Variants in NEURL1B observed in about 807,000 individuals in gnomAD.
The protein encoded by NEURL1B is neuralized E3 ubiquitin protein ligase 1B.
In NEURL1B, 13 loss-of-function variants were observed where a neutral mutation model predicts 37.4. The ratio of observed to expected loss-of-function variants is 0.35; its 90% CI spans 0.23 to 0.55. The LOEUF (loss-of-function observed/expected upper bound fraction) is 0.55. NEURL1B is among the 20% of genes least tolerant of loss of function. The pLI, the probability that NEURL1B is intolerant of heterozygous loss-of-function variation, is 0.89. For missense variants in NEURL1B, 790 were observed against 879.2 expected, an observed-to-expected ratio of 0.90 and a Z score of 1.28; for synonymous variants, 432 against 426.6, an observed-to-expected ratio of 1.01 and a Z score of -0.16.
At chr5:172,677,100 T>C (rs376672194) in intron 2 of NEURL1B, among the ~76,000 whole-genome samples, 15 of 151,790 alleles carry the variant, frequency 9.9e-5, no homozygotes, top group South Asian at 4.2e-4. Context: ...GAGGGGCCTG[T>C]AAGCACACCT....
At chr5:172,650,484 C>A (rs1436352520) in intron 1 of NEURL1B, among the ~76,000 whole-genome samples, 1 of 152,122 alleles carries the variant, frequency 6.6e-6, no homozygotes, top group East Asian at 1.9e-4. Context: ...CAAATGGGGT[C>A]TTTCGCTGGA....
At position 172,688,365 on chromosome 5, in the gene NEURL1B, G is replaced by A. The variant is rs1012162744; in HGVS notation, c.*1440G>A. 1 of 152,722 alleles carries A rather than the reference G, an allele frequency of 6.5e-6. No individual in the cohort carries two copies. Among genetic ancestry groups the A allele is most frequent in the Non-Finnish European group, 1.5e-5 (1 of 68,092 alleles). The allele number at this position is 152,722 out of a possible 1,614,324, so 9.5% of individuals were successfully genotyped here. ...TACAACGTTCTAAAAAGCCTGAGACGCCTTACAAAAAGCAAGTATCATTTG... is the reference window on the plus strand; with the variant it reads ...TACAACGTTCTAAAAAGCCTGAGACACCTTACAAAAAGCAAGTATCATTTG... On this transcript the variant is annotated 3_prime_UTR_variant, in exon 5 of 5. Coordinates refer to ENST00000369800, the MANE Select transcript of NEURL1B (RefSeq NM_001142651.3). The surrounding 1 kb of genome is among the most constrained non-coding windows in gnomAD (Gnocchi z 4.3).
rs1758207387 is a variant in NEURL1B at position 172,675,102 on chromosome 5, C to A, written c.577+4772C>A. On this transcript the variant is annotated intron_variant, in intron 2 of 4. Coordinates refer to ENST00000369800, the MANE Select transcript of NEURL1B (RefSeq NM_001142651.3). The surrounding 1 kb of genome is among the most constrained non-coding windows in gnomAD (Gnocchi z 4.7). The stretch of plus-strand genomic sequence containing the variant: ...CTGTTGGTCAGGTTGGTCTCGAACT[C>A]CTGACCTCAGGTGATCCGCCCGCCT... Among the ~76,000 whole-genome samples, 1 of 152,314 alleles carries A rather than the reference C, an allele frequency of 6.6e-6. No individual in the cohort carries two copies. The highest frequency in any genetic ancestry group is 2.1e-4 in the South Asian group (1 of 4,820).
At chr5:172,666,683 G>A (rs1020714972) in intron 1 of NEURL1B, among the ~76,000 whole-genome samples, 2 of 152,208 alleles carry the variant, frequency 1.3e-5, no homozygotes, top group African/African-American at 4.8e-5. Flanking sequence ...GTGCCCCCAT[G>A]ACTAACTGTA....
At chr5:172,650,725 T>C (rs1328639354) in intron 1 of NEURL1B, among the ~76,000 whole-genome samples, 2 of 152,208 alleles carry the variant, frequency 1.3e-5, no homozygotes, top group Non-Finnish European at 2.9e-5. Context: ...GATGGAGCAA[T>C]GGTGAGCGCA....
chr5:172,644,632 C>G (rs928226844), intron 1 of NEURL1B, among the ~76,000 whole-genome samples: 5 of 149,088 alleles, frequency 3.4e-5, no homozygotes, highest in African/African-American at 1.2e-4. Context: ...GCTCTACACT[C>G]TCTTTCCAGT....
intron 1 of NEURL1B, among the ~76,000 whole-genome samples, chr5:172,644,514 C>A (rs527675724): frequency 1.3e-5 from 2 of 152,280 alleles, no homozygotes; most frequent in South Asian, 4.1e-4. Context: ...TGATCGATTG[C>A]GGAAGCCTCT....
chr5:172,648,918 C>G (rs1362950190), intron 1 of NEURL1B, among the ~76,000 whole-genome samples: 1 of 152,174 alleles, frequency 6.6e-6, no homozygotes, highest in Non-Finnish European at 1.5e-5. Context: ...GAGCTGATGC[C>G]CTGAGGGCTT....
chr5:172,660,123 G>A (rs2113284140), intron 1 of NEURL1B, among the ~76,000 whole-genome samples: 1 of 152,310 alleles, frequency 6.6e-6, no homozygotes, highest in East Asian at 1.9e-4. Flanking sequence ...GAGAAGGAAT[G>A]AGGGCACATT....
In NEURL1B at chr5:172,686,048, TG is replaced by T; in HGVS notation, c.1298-120del. ...CACTCTTCACTCCTCAGCAGAACCC[TG>T]GGAGATACCTCTGGTCCTCTCGTTA... On this transcript the variant is annotated intron_variant, in intron 3 of 4. Coordinates refer to ENST00000369800, the MANE Select transcript of NEURL1B (RefSeq NM_001142651.3). The surrounding 1 kb of genome is among the most constrained non-coding windows in gnomAD (Gnocchi z 7.9). The T allele has an allele frequency of 8.4e-7, 1 of 1,192,780 alleles. No homozygotes were observed. The highest frequency in any genetic ancestry group is 1.2e-6 in the Non-Finnish European group (1 of 861,200). 73.9% of individuals were successfully genotyped at this position (1,192,780 alleles called of 1,614,324 possible).
rs1201830213 is a variant in NEURL1B, at chr5:172,655,735, T to A, written c.32-14050T>A. Among the ~76,000 whole-genome samples, 4 of 151,764 alleles carry A rather than the reference T, an allele frequency of 2.6e-5. No homozygotes were observed. In the East Asian group the frequency reaches 7.7e-4, roughly 29 times the overall value. Reference sequence around the variant, plus strand: ...GTTGCTGGCCAGTGTTTGTTTTTTTTTTTTTTTCCCTCTGCATTGCTGAGA... The same window carrying A: ...GTTGCTGGCCAGTGTTTGTTTTTTTATTTTTTTCCCTCTGCATTGCTGAGA... On this transcript the variant is annotated intron_variant, in intron 1 of 4. Transcript: ENST00000369800.
At chr5:172,642,398 A>G (rs577803961) in intron 1 of NEURL1B, among the ~76,000 whole-genome samples, 13 of 152,282 alleles carry the variant, frequency 8.5e-5, no homozygotes, top group African/African-American at 2.9e-4. Context: ...ATTTTGTCTT[A>G]AGGCTGGGCC....
intron 2 of NEURL1B, 49 bp downstream of exon 2, chr5:172,670,379 G>T (rs1051510903): frequency 6.4e-5 from 84 of 1,304,564 alleles, no homozygotes; most frequent in Middle Eastern, 2.1e-4. Flanking sequence ...CGGTGCCTTT[G>T]CGCGTGGGTG....
intron 2 of NEURL1B, among the ~76,000 whole-genome samples, chr5:172,672,040 T>C (rs1045107558): frequency 6.6e-6 from 1 of 152,260 alleles, no homozygotes; most frequent in African/African-American, 2.4e-5. Context: ...CTCATGGGAT[T>C]GTTGATAAGG....
intron 1 of NEURL1B, among the ~76,000 whole-genome samples, chr5:172,649,038 G>A (rs974566322): frequency 2.6e-5 from 4 of 152,206 alleles, no homozygotes; most frequent in Admixed American, 2.0e-4. Flanking sequence ...ACCTGAAGGG[G>A]AAGTGCATGG....
chr5:172,676,516 A>G lies in NEURL1B; in HGVS notation c.577+6186A>G, dbSNP rs4868197. 0.12 allele frequency among the ~76,000 whole-genome samples: 17,589 copies of G among 152,232 alleles called. 1,340 individuals are homozygous for G. Among genetic ancestry groups the G allele is most frequent in the East Asian group, 0.3 (1,540 of 5,176 alleles). Reference sequence around the variant, plus strand: ...ATGGCCAGGGGCATAGGATGAAGTGATTGGCCAGGTTAAGGCCCCCCTCCT... The same window carrying G: ...ATGGCCAGGGGCATAGGATGAAGTGGTTGGCCAGGTTAAGGCCCCCCTCCT... On this transcript the variant is annotated intron_variant, in intron 2 of 4. Coordinates refer to ENST00000369800, the MANE Select transcript of NEURL1B (RefSeq NM_001142651.3). The surrounding 1 kb of genome is among the most constrained non-coding windows in gnomAD (Gnocchi z 4.5).
chr5:172,648,682 C>T (rs1211497980), intron 1 of NEURL1B, among the ~76,000 whole-genome samples: 1 of 152,256 alleles, frequency 6.6e-6, no homozygotes, highest in Non-Finnish European at 1.5e-5. Context: ...TGGAAGCCTT[C>T]ATTGTATTTG....
chr5:172,684,137 C>T lies in NEURL1B; in HGVS notation c.1296C>T (p.Leu432=), dbSNP rs1758431321. 18 of 1,246,076 alleles carry T rather than the reference C, an allele frequency of 1.4e-5. No individual in the cohort carries two copies. Among genetic ancestry groups the T allele is most frequent in the South Asian group, 2.9e-5 (1 of 34,192 alleles). 77.2% of individuals were successfully genotyped at this position (1,246,076 alleles called of 1,614,324 possible). ...GCGTCGCGGGCCAGCTGCGTCTCCT[C>T]GGTGAGTCCCCGGCCCCGCGTGCGC... ...RGGVAGQLRL[L]GTLQSSPATT... Residue 432 remains leucine, a splice_region_variant and synonymous_variant, in exon 3 of 5, where the codon CTC becomes CTT. Transcript: ENST00000369800.
intron 1 of NEURL1B, among the ~76,000 whole-genome samples, chr5:172,667,267 GTCT>G (rs1758032566): frequency 1.8e-5 from 1 of 55,832 alleles, no homozygotes; most frequent in Non-Finnish European, 2.9e-5. Context: ...GTGAAACCCT[GTCT>G]CTACTAAAAA....
Sources: allele counts gnomAD v4.1 joint callset (sites outside exome capture counted in the v4.1 genomes callset), GRCh38; gene constraint gnomAD v4.1.1; non-coding constraint Gnocchi (gnomAD v3.1); transcripts MANE v1.5; gene names NCBI Gene and HGNC (gene_info 2026-07-23, HGNC 2026-07-21).